Variants in PLEKHA3 observed in about 807,000 individuals in gnomAD.
PLEKHA3 encodes the protein pleckstrin homology domain-containing family A member 3.
A neutral mutation model predicts 39.2 loss-of-function variants in PLEKHA3; 19 were observed. The ratio of observed to expected loss-of-function variants is 0.48; its 90% CI spans 0.34 to 0.71. The LOEUF (loss-of-function observed/expected upper bound fraction) is 0.71. Ranked by LOEUF, PLEKHA3 falls within the 30% of genes least tolerant of loss-of-function variation. The pLI is 0.01. For synonymous variants in PLEKHA3, 97 were observed against 118.6 expected (o/e 0.82, Z 1.18); for missense variants, 253 against 359.5 (o/e 0.70, Z 2.40).
In PLEKHA3 at chr2:178,480,921, C is replaced by T. The variant is rs896828573; in HGVS notation, c.40+12C>T. 3.8e-6 allele frequency: 5 copies of T among 1,309,214 alleles called. No individual in the cohort carries two copies. Among genetic ancestry groups the T allele is most frequent in the African/African-American group, 1.5e-5 (1 of 65,382 alleles). 81.1% of individuals were successfully genotyped at this position (1,309,214 alleles called of 1,614,324 possible). ...CAACTATCTCACAGGTATGGGGGCT[C>T]GTGTGATGAGGGAAGAGGGGAGAGG... On this transcript the variant is annotated intron_variant, in intron 1 of 7. Transcript: ENST00000234453.
chr2:178,502,370 AG>A, intron 7 of PLEKHA3: 2 of 429,694 alleles, frequency 4.7e-6, no homozygotes, highest in Non-Finnish European at 9.4e-6. Flanking sequence ...GAAACCGGGA[AG>A]GGGAAGGGAG....
rs1351638695 is a variant in PLEKHA3 at position 178,515,248 on chromosome 2, G to A, written c.*11361G>A. The A allele has an allele frequency of 6.6e-6, 1 of 151,870 alleles. No individual in the cohort carries two copies. The highest frequency in any genetic ancestry group is 2.4e-5 in the African/African-American group (1 of 41,318). The allele number at this position is 151,870 out of a possible 1,614,324, so 9.4% of individuals were successfully genotyped here. ...AGAAAACGAAAGACTCACTGTGTGA[G>A]TTTTCTTGCCCTCTGGTTTTCAGAA... On this transcript the variant is annotated 3_prime_UTR_variant, in exon 8 of 8. Coordinates refer to ENST00000234453, the MANE Select transcript of PLEKHA3 (RefSeq NM_019091.4).
chr2:178,496,197 C>G (rs1685443440), intron 5 of PLEKHA3, among the ~76,000 whole-genome samples: 1 of 152,140 alleles, frequency 6.6e-6, no homozygotes, highest in East Asian at 1.9e-4. Flanking sequence ...AACGATCTGA[C>G]CTGCTTACTG....
chr2:178,491,134 C>T (rs1421551580), intron 3 of PLEKHA3, among the ~76,000 whole-genome samples: 1 of 151,736 alleles, frequency 6.6e-6, no homozygotes, highest in Non-Finnish European at 1.5e-5. Context: ...CCTCAGCTTC[C>T]CGAGTAGCTG....
intron 4 of PLEKHA3, among the ~76,000 whole-genome samples, chr2:178,494,906 CT>C (rs143346176): frequency 0.038 from 4,636 of 122,248 alleles, 219 homozygotes; most frequent in African/African-American, 0.12. Context: ...AACTTCTCAT[CT>C]TTTTTTTTTT....
chr2:178,489,978 G>C (rs1685318302), intron 2 of PLEKHA3, among the ~76,000 whole-genome samples: 1 of 152,078 alleles, frequency 6.6e-6, no homozygotes, highest in Non-Finnish European at 1.5e-5. Flanking sequence ...GCACTGCTCT[G>C]AGCTGAGTAA....
chr2:178,502,780 AC>A (rs1397563031), intron 7 of PLEKHA3, among the ~76,000 whole-genome samples: 2 of 151,160 alleles, frequency 1.3e-5, no homozygotes, highest in African/African-American at 4.9e-5. Flanking sequence ...ATGGACTGTA[AC>A]AAAACTAGTC....
chr2:178,496,894 G>T (rs372476081), intron 5 of PLEKHA3, among the ~76,000 whole-genome samples: 1 of 151,888 alleles, frequency 6.6e-6, no homozygotes, highest in Admixed American at 6.6e-5. Flanking sequence ...GTAGAGATGG[G>T]GGGGGTCTCA....
rs1685656007 is a variant in PLEKHA3, at chr2:178,509,781, ATC to A, written c.*5901_*5902del. 1.3e-5 allele frequency: 2 copies of A among 152,080 alleles called. No individual in the cohort carries two copies. Among genetic ancestry groups the A allele is most frequent in the African/African-American group, 4.8e-5 (2 of 41,414 alleles). 9.4% of individuals were successfully genotyped at this position (152,080 alleles called of 1,614,324 possible). A position where few individuals can be genotyped will look rare whatever the true frequency, so the allele number is the denominator to read the frequency against. ...GGCATGAGCCACACTGCACTCTCCT[ATC>A]TCTCTCAATTCAGTAACCTGTTTAT... On this transcript the variant is annotated 3_prime_UTR_variant, in exon 8 of 8. Coordinates refer to ENST00000234453, the MANE Select transcript of PLEKHA3 (RefSeq NM_019091.4).
At chr2:178,487,217 G>A (rs1430592692) in intron 2 of PLEKHA3, among the ~76,000 whole-genome samples, 3 of 152,132 alleles carry the variant, frequency 2.0e-5, no homozygotes, top group Non-Finnish European at 4.4e-5. Context: ...AGACATTGCT[G>A]GGAAATGGTA....
intron 5 of PLEKHA3, among the ~76,000 whole-genome samples, chr2:178,496,168 A>T (rs1423767878): frequency 6.6e-6 from 1 of 152,204 alleles, no homozygotes; most frequent in Non-Finnish European, 1.5e-5. Context: ...AATACAGTGT[A>T]TATCAGAGAG....
chr2:178,496,610 A>T (rs1334931509), intron 5 of PLEKHA3, among the ~76,000 whole-genome samples: 4 of 152,254 alleles, frequency 2.6e-5, no homozygotes, highest in Non-Finnish European at 5.9e-5. Flanking sequence ...AGGCAAGCGT[A>T]CCATGAAAAT....
Position 178,499,228 on chromosome 2 carries a change from C to T in PLEKHA3, c.633C>T (p.Ser211=), listed in dbSNP as rs772403812. The T allele has an allele frequency of 1.2e-6, 2 of 1,609,806 alleles. No individual in the cohort carries two copies. The highest frequency in any genetic ancestry group is 1.7e-6 in the Non-Finnish European group (2 of 1,178,386). The part of the protein sequence containing the change: ...SPVQMMKRSV[S]HPGSCSSERS... The stretch of plus-strand genomic sequence containing the variant: ...ATTTCTAGATGAAGCGTTCTGTCAG[C>T]CACCCTGGTTCTTGCAGTTCAGAGA... The change falls in exon 6 of 8, where the codon AGC becomes AGT. Residue 211 remains serine, a synonymous_variant. Transcript: ENST00000234453.
intron 2 of PLEKHA3, 122 bp downstream of exon 2, chr2:178,485,879 C>A (rs898116063): frequency 1.1e-5 from 7 of 631,588 alleles, no homozygotes; most frequent in South Asian, 9.4e-5. Context: ...CCATTTATAT[C>A]CTTAGCAGTC....
intron 1 of PLEKHA3, among the ~76,000 whole-genome samples, chr2:178,482,538 GCGAGATCCTGTCT>G (rs1685185654): frequency 7.0e-6 from 1 of 143,322 alleles, no homozygotes; most frequent in Admixed American, 7.1e-5. Flanking sequence ...GGCTAACAGA[GCGAGATCCTGTCT>G]CAAAAAAAAA....
intron 1 of PLEKHA3, among the ~76,000 whole-genome samples, chr2:178,484,878 G>C (rs908016084): frequency 1.9e-4 from 29 of 152,230 alleles, no homozygotes; most frequent in African/African-American, 6.0e-4. Context: ...GTCTGTGATA[G>C]ATGTGAGCTC....
rs8179648 is a variant in PLEKHA3, at chr2:178,512,553, G to A, written c.*8666G>A. ...AGTATATTGCCAGATCTGGCAGCAT[G>A]GGGACAATTAGGAACAAAGGAGAGA... is the stretch of plus-strand genomic sequence containing the variant. On this transcript the variant is annotated 3_prime_UTR_variant, in exon 8 of 8. Coordinates refer to ENST00000234453, the MANE Select transcript of PLEKHA3 (RefSeq NM_019091.4). 0.16 allele frequency: 24,959 copies of A among 152,614 alleles called. 2,728 individuals carry two copies. The highest frequency in any genetic ancestry group is 0.61 in the East Asian group (3,171 of 5,160). The allele number at this position is 152,614 out of a possible 1,614,324, so 9.5% of individuals were successfully genotyped here.
chr2:178,491,460 A>C (rs1431936721), intron 3 of PLEKHA3, among the ~76,000 whole-genome samples: 2 of 152,252 alleles, frequency 1.3e-5, no homozygotes, highest in African/African-American at 4.8e-5. Context: ...GGCTTAGGAA[A>C]GGTATGTAAG....
chr2:178,501,009 G>T (rs1024472146), intron 6 of PLEKHA3, 52 bp from the exon 7 acceptor site: 18 of 1,151,766 alleles, frequency 1.6e-5, no homozygotes, highest in African/African-American at 3.1e-5. Context: ...AGTTGAGTGT[G>T]TTTTTGTTTA....
Sources: allele counts gnomAD v4.1 joint callset (sites outside exome capture counted in the v4.1 genomes callset), GRCh38; gene constraint gnomAD v4.1.1; transcripts MANE v1.5; gene names NCBI Gene and HGNC (gene_info 2026-07-23, HGNC 2026-07-21).